MCTP1: variants seen among roughly 807,000 people sequenced by gnomAD.
MCTP1 encodes multiple C2 and transmembrane domain containing 1, also known as multiple C2 and transmembrane domain-containing protein 1.
Under a neutral mutation model 120.6 loss-of-function variants are expected in MCTP1, and 69 were observed. The ratio of observed to expected loss-of-function variants is 0.57; its 90% CI spans 0.47 to 0.70. MCTP1 has a LOEUF of 0.70. Among genes scored for constraint, MCTP1 ranks in the 30% least tolerant of loss-of-function variants. The pLI, the probability that MCTP1 is intolerant of heterozygous loss-of-function variation, is 0.00. For missense variants in MCTP1, 1,203 were observed against 1,248.8 expected, an observed-to-expected ratio of 0.96 and a Z score of 0.55; for synonymous variants, 529 against 493.1, an observed-to-expected ratio of 1.07 and a Z score of -0.96.
At chr5:95,274,306 C>G (rs1759638325) in intron 1 of MCTP1, among the ~76,000 whole-genome samples, 1 of 152,200 alleles carries the variant, frequency 6.6e-6, no homozygotes, top group Non-Finnish European at 1.5e-5. Flanking sequence ...GGCCGCCAGA[C>G]AGAACACCCT....
rs553616630 is a variant in MCTP1, at chr5:94,801,032, GATA to G, written c.2437-1903_2437-1901del. ...TGATTATTAAAATATATTTTATAAA[GATA>G]ATTATTTTTTTAGGAAGTGAATTAA... On this transcript the variant is annotated intron_variant, in intron 17 of 22. Coordinates refer to ENST00000515393, the MANE Select transcript of MCTP1 (RefSeq NM_024717.7). 2.1e-3 allele frequency among the ~76,000 whole-genome samples: 316 copies of G among 152,028 alleles called. 1 individual carries two copies. Among genetic ancestry groups the G allele is most frequent in the African/African-American group, 7.2e-3 (299 of 41,516 alleles).
At chr5:94,891,767 T>A (rs138842738) in intron 11 of MCTP1, among the ~76,000 whole-genome samples, 14,156 of 150,980 alleles carry the variant, frequency 0.094, 945 homozygotes, top group Non-Finnish European at 0.14. Flanking sequence ...AATAAATAAA[T>A]AAATAAATAA....
At chr5:95,134,024 C>T (rs6868622) in intron 1 of MCTP1, among the ~76,000 whole-genome samples, 38,290 of 152,078 alleles carry the variant, frequency 0.25, 5,112 homozygotes, top group Middle Eastern at 0.33. Flanking sequence ...ATGCTTGGCA[C>T]GTACTTTTCA....
At chr5:95,086,435 A>C (rs1755448416) in intron 1 of MCTP1, among the ~76,000 whole-genome samples, 1 of 152,214 alleles carries the variant, frequency 6.6e-6, no homozygotes, top group African/African-American at 2.4e-5. Context: ...CAGTAGTGTA[A>C]TAAGATGGAG....
chr5:95,260,386 A>G (rs1758364000), intron 1 of MCTP1, among the ~76,000 whole-genome samples: 1 of 152,176 alleles, frequency 6.6e-6, no homozygotes, highest in Non-Finnish European at 1.5e-5. Flanking sequence ...GTGTTCCTTG[A>G]GCCCAGTCAC....
chr5:95,082,723 A>T (rs183848321), intron 1 of MCTP1, among the ~76,000 whole-genome samples: 10 of 152,286 alleles, frequency 6.6e-5, no homozygotes, highest in African/African-American at 2.4e-4. Context: ...CTAGTGTTGG[A>T]GATCTAGTGT....
chr5:95,115,249 T>C (rs72779446), intron 1 of MCTP1, among the ~76,000 whole-genome samples: 3 of 151,942 alleles, frequency 2.0e-5, no homozygotes, highest in African/African-American at 7.3e-5. Context: ...ATCAAGATCA[T>C]TCAGGAAAAC....
intron 1 of MCTP1, among the ~76,000 whole-genome samples, chr5:95,153,511 C>T (rs1744770537): frequency 1.3e-5 from 2 of 152,202 alleles, no homozygotes; most frequent in South Asian, 4.1e-4. Context: ...GTGCCCAGGA[C>T]AGCAGCCTTA....
chr5:94,837,825 A>G (rs545917948), intron 17 of MCTP1, among the ~76,000 whole-genome samples: 1 of 152,334 alleles, frequency 6.6e-6, no homozygotes, highest in South Asian at 2.1e-4. Flanking sequence ...AGGTCAGATT[A>G]TTCTTCATGC....
In MCTP1 at chr5:95,138,283, T is replaced by C. The variant is rs559956432; in HGVS notation, c.721-120799A>G. 3.4e-5 allele frequency among the ~76,000 whole-genome samples: 5 copies of C among 148,414 alleles called. No homozygotes were observed. In the South Asian group the frequency reaches 6.5e-4, roughly 19 times the overall value. On this transcript the variant is annotated intron_variant, in intron 1 of 22. Coordinates refer to ENST00000515393, the MANE Select transcript of MCTP1 (RefSeq NM_024717.7). ...TGTGTTTTGGAGCTCGATGGGAATA[T>C]ATGAGCATTGAGACTAGCTGCGCCA...
chr5:94,815,371 C>T (rs1466528155), intron 17 of MCTP1, among the ~76,000 whole-genome samples: 1 of 152,122 alleles, frequency 6.6e-6, no homozygotes, highest in Non-Finnish European at 1.5e-5. Context: ...GCAGATTTCC[C>T]CTTCTTTCTA....
intron 1 of MCTP1, among the ~76,000 whole-genome samples, chr5:95,095,302 C>T (rs1275787622): frequency 6.6e-6 from 1 of 152,058 alleles, no homozygotes; most frequent in Non-Finnish European, 1.5e-5. Context: ...GGATTACAGG[C>T]GTGAGCCACC....
intron 17 of MCTP1, among the ~76,000 whole-genome samples, chr5:94,864,300 TC>T (rs1414590546): frequency 6.6e-6 from 1 of 151,908 alleles, no homozygotes; most frequent in Admixed American, 6.6e-5. Flanking sequence ...GGAGTTGACA[TC>T]CCTTCATAAT....
chr5:95,138,990 G>T (rs1381560548), intron 1 of MCTP1, among the ~76,000 whole-genome samples: 10 of 152,038 alleles, frequency 6.6e-5, no homozygotes, highest in Admixed American at 5.9e-4. Context: ...ACATTATAAG[G>T]TTGTCAGTGT....
intron 19 of MCTP1, among the ~76,000 whole-genome samples, 195 bp from the exon 20 acceptor site, chr5:94,715,081 A>G (rs1446778557): frequency 6.6e-6 from 1 of 152,004 alleles, no homozygotes; most frequent in Non-Finnish European, 1.5e-5. Flanking sequence ...AGCATCATGG[A>G]TTTGTGCTTG....
Position 95,109,711 on chromosome 5 carries a change from A to G in MCTP1, c.721-92227T>C, listed in dbSNP as rs1757324510. ...TTCATGAGGGAGCTATTTTTTAGAC[A>G]CCTACCTTATGTCTCTGAGTCCAGC... On this transcript the variant is annotated intron_variant, in intron 1 of 22. Coordinates refer to ENST00000515393, the MANE Select transcript of MCTP1 (RefSeq NM_024717.7). Among the ~76,000 whole-genome samples, 3 of 152,130 alleles carry G rather than the reference A, an allele frequency of 2.0e-5. No individual in the cohort carries two copies. In the South Asian group the frequency reaches 6.2e-4, roughly 32 times the overall value.
intron 2 of MCTP1, among the ~76,000 whole-genome samples, chr5:94,963,213 C>T (rs1348950211): frequency 6.6e-6 from 1 of 152,034 alleles, no homozygotes; most frequent in African/African-American, 2.4e-5. Context: ...CATTGATAGA[C>T]ATTTAGATTG....
At chr5:95,207,718 T>C (rs1235640230) in intron 1 of MCTP1, among the ~76,000 whole-genome samples, 5 of 151,994 alleles carry the variant, frequency 3.3e-5, no homozygotes, top group South Asian at 2.1e-4. Context: ...TCCTAGCACA[T>C]AGTAGGTTCT....
intron 1 of MCTP1, among the ~76,000 whole-genome samples, chr5:95,167,224 C>T (rs1388345588): frequency 6.6e-6 from 1 of 152,168 alleles, no homozygotes; most frequent in Non-Finnish European, 1.5e-5. Context: ...CATGTCCCTA[C>T]AAAGGACGTG....
Sources: gnomAD v4.1 joint callset for allele counts (sites outside exome capture counted in the v4.1 genomes callset) on GRCh38, gnomAD v4.1.1 for gene constraint, MANE v1.5 for transcripts, NCBI Gene and HGNC (gene_info 2026-07-23, HGNC 2026-07-21) for gene names.